ANKRD28: variants seen among roughly 807,000 people sequenced by gnomAD.
ANKRD28 encodes ankyrin repeat domain 28.
In ANKRD28, 44 loss-of-function variants were observed where a neutral mutation model predicts 126.5. The observed-to-expected ratio is 0.35, with a 90% CI of 0.27 to 0.45. ANKRD28 has a LOEUF of 0.45. Among genes scored for constraint, ANKRD28 ranks in the 20% least tolerant of loss-of-function variants. The pLI is 1.00. For synonymous variants in ANKRD28, 442 were observed against 468.5 expected (o/e 0.94, Z 0.73); for missense variants, 1,110 against 1,316.6 (o/e 0.84, Z 2.43).
intron 3 of ANKRD28, among the ~76,000 whole-genome samples, chr3:15,753,515 G>A (rs529637872): frequency 7.2e-5 from 11 of 152,294 alleles, no homozygotes; most frequent in African/African-American, 2.2e-4. Flanking sequence ...ACAGTAGAAC[G>A]GAAAGCTCTG....
chr3:15,738,788 T>A (rs1021783469), intron 4 of ANKRD28: 2 of 152,146 alleles, frequency 1.3e-5, no homozygotes, highest in African/African-American at 4.8e-5. Flanking sequence ...GACCAAAATT[T>A]ATGAGGTGGG....
chr3:15,705,980 G>A (rs1052275771), intron 14 of ANKRD28, among the ~76,000 whole-genome samples: 2 of 151,658 alleles, frequency 1.3e-5, no homozygotes, highest in African/African-American at 4.9e-5. Flanking sequence ...CACCCTGGGC[G>A]ACAAAGCAAG....
chr3:15,757,342 G>A (rs1048211846), intron 3 of ANKRD28, among the ~76,000 whole-genome samples: 2 of 151,992 alleles, frequency 1.3e-5, no homozygotes, highest in Non-Finnish European at 2.9e-5. Context: ...ATTGTTCAAG[G>A]GTCAACTATA....
At position 15,690,173 on chromosome 3, in the gene ANKRD28, C is replaced by A. The variant is rs1458265665; in HGVS notation, c.1809G>T (p.Leu603Phe). The stretch of plus-strand genomic sequence containing the variant: ...TACTATTTCTGACATCAAGATCTAA[C>A]AAAGACTGTACCAACACTTCCAGTG... ...HQALEVLVQS[L>F]LDLDVRNSSG... The change falls in exon 18 of 28, where the codon TTG (leucine) becomes TTT (phenylalanine). Residue 603 changes from leucine (L) to phenylalanine (F), a missense_variant. Coordinates refer to ENST00000683139, the MANE Select transcript of ANKRD28 (RefSeq NM_001349278.2). 6.2e-7 allele frequency: 1 copy of A among 1,608,416 alleles called. No homozygotes were observed. The highest frequency in any genetic ancestry group is 1.3e-5 in the African/African-American group (1 of 74,844).
intron 4 of ANKRD28, among the ~76,000 whole-genome samples, chr3:15,739,851 T>C (rs1372868416): frequency 3.3e-5 from 5 of 152,218 alleles, no homozygotes; most frequent in Non-Finnish European, 5.9e-5. Flanking sequence ...CAGTCATCTA[T>C]CGAATTGCTA....
chr3:15,850,263 A>AGAGAGAGAGAGAGC (rs1282754856), intron 1 of ANKRD28, among the ~76,000 whole-genome samples: 1 of 139,718 alleles, frequency 7.2e-6, no homozygotes, highest in Non-Finnish European at 1.6e-5. Flanking sequence ...AGAGAGAGAG[A>AGAGAGAGAGAGAGC]AAGTTGAAAT....
At position 15,845,840 on chromosome 3, in the gene ANKRD28, A is replaced by G. The variant is rs1266844767; in HGVS notation, c.27+13537T>C. ...GTCTTAATATGGTGGAGCAGGAGGT[A>G]GGGGTATGTGCCACACACTTTAAAC... On this transcript the variant is annotated intron_variant, in intron 1 of 27. Coordinates refer to the ANKRD28 transcript ENST00000399451. This position sits in a 1 kb window ranked among gnomAD's most constrained non-coding sequence, Gnocchi z 4.9. Among the ~76,000 whole-genome samples, 1 of 152,184 alleles carries G rather than the reference A, an allele frequency of 6.6e-6. No individual in the cohort carries two copies. The highest frequency in any genetic ancestry group is 2.4e-5 in the African/African-American group (1 of 41,456).
chr3:15,747,949 TC>T (rs1559463784), intron 4 of ANKRD28, among the ~76,000 whole-genome samples: 1 of 152,210 alleles, frequency 6.6e-6, no homozygotes, highest in Non-Finnish European at 1.5e-5. Flanking sequence ...ATAATGTCCC[TC>T]TTTGTTTTTT....
At chr3:15,708,578 GTAGTA>G (rs2071785096) in intron 13 of ANKRD28, among the ~76,000 whole-genome samples, 2 of 152,092 alleles carry the variant, frequency 1.3e-5, no homozygotes, top group Admixed American at 6.6e-5. Flanking sequence ...TCTGTTATTT[GTAGTA>G]TAGAATGCCT....
chr3:15,733,307 T>C (rs1445663880), intron 6 of ANKRD28: 1 of 152,314 alleles, frequency 6.6e-6, no homozygotes, highest in Non-Finnish European at 1.5e-5. Context: ...TACTGTCATA[T>C]GGGGATAAGC....
chr3:15,841,582 G>GA (rs946710971), intron 1 of ANKRD28, among the ~76,000 whole-genome samples: 3 of 151,742 alleles, frequency 2.0e-5, no homozygotes, highest in African/African-American at 4.8e-5. Flanking sequence ...CAAATGTACA[G>GA]AAAAAAAACC....
chr3:15,682,264 A>T (rs976440562), intron 21 of ANKRD28, among the ~76,000 whole-genome samples: 1 of 152,222 alleles, frequency 6.6e-6, no homozygotes, highest in African/African-American at 2.4e-5. Context: ...GTATTTAAAA[A>T]TTTCTCAATT....
At chr3:15,715,395 T>A (rs1235265468) in intron 8 of ANKRD28, among the ~76,000 whole-genome samples, 1 of 152,236 alleles carries the variant, frequency 6.6e-6, no homozygotes, top group African/African-American at 2.4e-5. Context: ...TCTAAGTTTA[T>A]GCTAACACTG....
intron 1 of ANKRD28, among the ~76,000 whole-genome samples, chr3:15,807,371 G>A (rs2060607289): frequency 1.3e-5 from 2 of 152,260 alleles, no homozygotes; most frequent in East Asian, 3.9e-4. Context: ...TGGGATAGAC[G>A]TGGACATACA....
chr3:15,771,748 T>G (rs2059022804), intron 2 of ANKRD28, among the ~76,000 whole-genome samples: 1 of 152,166 alleles, frequency 6.6e-6, no homozygotes, highest in Non-Finnish European at 1.5e-5. Context: ...ACGATATCAT[T>G]TATTTTCAAA....
chr3:15,794,309 G>A lies in ANKRD28; in HGVS notation c.201+914C>T, dbSNP rs117800484. Among the ~76,000 whole-genome samples the A allele has an allele frequency of 2.8e-4, 40 of 142,828 alleles. No homozygotes were observed. The East Asian group carries it at 7.5e-3, about 27-fold the overall frequency. The allele number at this position is 142,828 out of a possible 152,430, so 93.7% of individuals were successfully genotyped here. A position where few individuals can be genotyped will look rare whatever the true frequency, so the allele number is the denominator to read the frequency against. ...TTTTTGTATCTACCTAACATTAAGT[G>A]GTCACAGCAGTATTATATTAAAAAA... On this transcript the variant is annotated intron_variant, in intron 2 of 27. Coordinates refer to ENST00000683139, the MANE Select transcript of ANKRD28 (RefSeq NM_001349278.2).
At chr3:15,743,171 AAGGC>A (rs765863619) in intron 4 of ANKRD28, among the ~76,000 whole-genome samples, 4 of 152,188 alleles carry the variant, frequency 2.6e-5, no homozygotes, top group South Asian at 4.1e-4. Context: ...CAGATGCTTG[AAGGC>A]AGCATGCTCG....
intron 14 of ANKRD28, among the ~76,000 whole-genome samples, chr3:15,698,575 A>G (rs1416540386): frequency 1.3e-5 from 2 of 152,206 alleles, no homozygotes; most frequent in Non-Finnish European, 2.9e-5. Context: ...CGAAAATCAC[A>G]AAGATTCCCA....
intron 14 of ANKRD28, among the ~76,000 whole-genome samples, chr3:15,706,593 G>A (rs945366021): frequency 3.9e-5 from 6 of 151,976 alleles, no homozygotes; most frequent in Admixed American, 2.0e-4. Flanking sequence ...ATAATCCTTT[G>A]GGTATATACC....
Sources: allele counts gnomAD v4.1 joint callset (sites outside exome capture counted in the v4.1 genomes callset), GRCh38; gene constraint gnomAD v4.1.1; non-coding constraint Gnocchi (gnomAD v3.1); transcripts MANE v1.5; gene names NCBI Gene and HGNC (gene_info 2026-07-23, HGNC 2026-07-21).